TSPAN18: variants seen among roughly 807,000 people sequenced by gnomAD.
TSPAN18 encodes tetraspanin 18.
Under a neutral mutation model 27.3 loss-of-function variants are expected in TSPAN18, and 14 were observed. That is an observed-to-expected ratio of 0.51 (90% CI 0.34 to 0.80). The LOEUF (loss-of-function observed/expected upper bound fraction) is 0.80. TSPAN18 is among the 30% of genes least tolerant of loss of function. TSPAN18 has a pLI of 0.01. For missense variants in TSPAN18, 268 were observed against 323.9 expected, an observed-to-expected ratio of 0.83 and a Z score of 1.32; for synonymous variants, 143 against 136.5, an observed-to-expected ratio of 1.05 and a Z score of -0.33.
At chr11:44,747,089 G>A (rs979387416) in intron 1 of TSPAN18, among the ~76,000 whole-genome samples, 15 of 152,270 alleles carry the variant, frequency 9.9e-5, no homozygotes, top group Non-Finnish European at 1.9e-4. Flanking sequence ...AGGCCCAGGC[G>A]AGGTGGTGGC....
Position 44,877,741 on chromosome 11 carries a change from C to T in TSPAN18, c.-11+17272C>T, listed in dbSNP as rs536039177. On this transcript the variant is annotated intron_variant, in intron 3 of 9. Coordinates refer to ENST00000520358, the MANE Select transcript of TSPAN18 (RefSeq NM_130783.5). ...CTGTGAAGCCTGTTAACGGTAATTA[C>T]GAAGTTAGGAGAAATTCCCAGGCCT... Among the ~76,000 whole-genome samples, 67 of 152,254 alleles carry T rather than the reference C, an allele frequency of 4.4e-4. 2 individuals carry two copies. In the South Asian group the frequency reaches 0.013, roughly 30 times the overall value.
Position 44,929,461 on chromosome 11 carries a change from G to A in TSPAN18, c.*283G>A. The A allele has an allele frequency of 2.2e-6, 1 of 452,488 alleles. No homozygotes were observed. The highest frequency in any genetic ancestry group is 3.8e-5 in the South Asian group (1 of 26,418). The allele number at this position is 452,488 out of a possible 1,614,324, so 28.0% of individuals were successfully genotyped here. On this transcript the variant is annotated 3_prime_UTR_variant, in exon 10 of 10. Transcript: ENST00000520358. ...GATGCAGGCTGCTCTAGAGACCAAA[G>A]GAACACCAGGCCCAGCGCCCTCTTT...
At chr11:44,774,968 G>A (rs12419461) in intron 2 of TSPAN18, among the ~76,000 whole-genome samples, 8,275 of 152,168 alleles carry the variant, frequency 0.054, 1,069 homozygotes, top group East Asian at 0.49. Context: ...CAGAAAGTCC[G>A]TTCAGTTGGG....
intron 8 of TSPAN18, among the ~76,000 whole-genome samples, chr11:44,924,033 G>A (rs1860246808): frequency 1.3e-5 from 2 of 152,054 alleles, no homozygotes. Context: ...CCCCGGGTGA[G>A]GCATGTCAAA....
rs1416271058 is a variant in TSPAN18, at chr11:44,733,399, C to G, written c.-240+6112C>G. Among the ~76,000 whole-genome samples, 3 of 152,118 alleles carry G rather than the reference C, an allele frequency of 2.0e-5. No homozygotes were observed. The East Asian group carries it at 5.8e-4, about 29-fold the overall frequency. ...CAGATCATATTGTGCCTATAACATA[C>G]CAGAGGGAGGTGAGTCCACGCATGG... On this transcript the variant is annotated intron_variant, in intron 1 of 9. Transcript: ENST00000520358.
intron 1 of TSPAN18, among the ~76,000 whole-genome samples, chr11:44,744,989 G>A (rs894659404): frequency 1.4e-5 from 2 of 141,304 alleles, no homozygotes; most frequent in Admixed American, 1.4e-4. Context: ...GGTTGGAGGA[G>A]GGTGGAATGC....
At chr11:44,741,015 G>A (rs943855070) in intron 1 of TSPAN18, among the ~76,000 whole-genome samples, 1 of 152,158 alleles carries the variant, frequency 6.6e-6, no homozygotes, top group African/African-American at 2.4e-5. Context: ...TCCGCATCAC[G>A]GGAGTGGGGC....
At chr11:44,738,741 C>T (rs1304310150) in intron 1 of TSPAN18, among the ~76,000 whole-genome samples, 2 of 152,132 alleles carry the variant, frequency 1.3e-5, no homozygotes, top group African/African-American at 4.8e-5. Context: ...ACTTAATTGC[C>T]AAAACATTCA....
chr11:44,879,897 G>T (rs556285387), intron 3 of TSPAN18, among the ~76,000 whole-genome samples: 5 of 152,364 alleles, frequency 3.3e-5, no homozygotes, highest in Middle Eastern at 3.4e-3. Flanking sequence ...GTCAAGGGAT[G>T]AGTGCCAGCT....
chr11:44,788,033 A>G (rs1036826662), intron 2 of TSPAN18, among the ~76,000 whole-genome samples: 1 of 152,156 alleles, frequency 6.6e-6, no homozygotes, highest in Non-Finnish European at 1.5e-5. Flanking sequence ...CATTTTGCAG[A>G]TGAAGAAAAG....
Position 44,787,898 on chromosome 11 carries a change from A to G in TSPAN18, c.-153+23386A>G, listed in dbSNP as rs555269065. 4.1e-5 allele frequency among the ~76,000 whole-genome samples: 6 copies of G among 147,426 alleles called. No individual in the cohort carries two copies. In the South Asian group the frequency reaches 8.4e-4, roughly 21 times the overall value. ...TTCCCAGCCTGTGTGTTTGCCTTAA[A>G]GCCCCTCGTTACAACACAGGCAGAC... On this transcript the variant is annotated intron_variant, in intron 2 of 9. Coordinates refer to ENST00000520358, the MANE Select transcript of TSPAN18 (RefSeq NM_130783.5).
chr11:44,921,234 G>A lies in TSPAN18; in HGVS notation c.615+1235G>A, dbSNP rs542144467. ...TGGACGTGGGGCAGAGAGACCTGCC[G>A]TGGGGAGCAGCTGCAGGGCGGGGAG... On this transcript the variant is annotated intron_variant, in intron 8 of 9. Coordinates refer to ENST00000520358, the MANE Select transcript of TSPAN18 (RefSeq NM_130783.5). Among the ~76,000 whole-genome samples the A allele has an allele frequency of 9.3e-4, 142 of 152,334 alleles. 1 individual carries two copies. The highest frequency in any genetic ancestry group is 6.2e-4 in the South Asian group (3 of 4,828).
At chr11:44,803,665 G>C (rs1000297479) in intron 2 of TSPAN18, among the ~76,000 whole-genome samples, 2 of 152,180 alleles carry the variant, frequency 1.3e-5, no homozygotes, top group Admixed American at 1.3e-4. Context: ...GTGGAGACGA[G>C]GGGCTGATGC....
At chr11:44,917,877 G>C (rs557868845) in intron 5 of TSPAN18, 95 bp from the exon 6 acceptor site, 2 of 1,143,248 alleles carry the variant, frequency 1.7e-6, no homozygotes, top group Non-Finnish European at 1.3e-6. Flanking sequence ...AGTATACTGC[G>C]TCACTGGTGT....
rs150786439 is a variant in TSPAN18, at chr11:44,875,597, C to T, written c.-11+15128C>T. On this transcript the variant is annotated intron_variant, in intron 3 of 9. Transcript: ENST00000520358. Reference sequence around the variant, plus strand: ...CACGTAATTATGTGCAGAGCACTTGCCCTGTGCAAAATTATCTCATCAAAT... The same window carrying T: ...CACGTAATTATGTGCAGAGCACTTGTCCTGTGCAAAATTATCTCATCAAAT... 8.3e-4 allele frequency among the ~76,000 whole-genome samples: 126 copies of T among 152,308 alleles called. 1 individual carries two copies. Among genetic ancestry groups the T allele is most frequent in the Middle Eastern group, 3.4e-3 (1 of 294 alleles).
intron 2 of TSPAN18, among the ~76,000 whole-genome samples, chr11:44,829,997 T>C (rs1171717780): frequency 6.6e-6 from 1 of 152,216 alleles, no homozygotes. Context: ...GAGAATAAAA[T>C]TCCCGCTCCT....
At chr11:44,842,010 T>C (rs909177232) in intron 2 of TSPAN18, among the ~76,000 whole-genome samples, 1 of 152,210 alleles carries the variant, frequency 6.6e-6, no homozygotes, top group African/African-American at 2.4e-5. Context: ...CACCTTTTCA[T>C]TGTGCAGCGG....
At chr11:44,825,626 A>G (rs2135130940) in intron 2 of TSPAN18, among the ~76,000 whole-genome samples, 1 of 152,312 alleles carries the variant, frequency 6.6e-6, no homozygotes, top group South Asian at 2.1e-4. Flanking sequence ...CGAGCTGGAA[A>G]CAGGAGTCAG....
intron 3 of TSPAN18, among the ~76,000 whole-genome samples, chr11:44,879,598 A>C (rs1008655636): frequency 1.1e-4 from 17 of 152,340 alleles, no homozygotes; most frequent in African/African-American, 3.4e-4. Context: ...TGAGGCGGGA[A>C]TGTGCTTGCC....
Sources: allele counts gnomAD v4.1 joint callset (sites outside exome capture counted in the v4.1 genomes callset), GRCh38; gene constraint gnomAD v4.1.1; transcripts MANE v1.5; gene names NCBI Gene and HGNC (gene_info 2026-07-23, HGNC 2026-07-21).